The following JADE3 variants were observed in gnomAD, a reference collection of about 807,000 sequenced individuals.
JADE3 encodes the protein jade family PHD finger 3, also known as protein Jade-3.
Under a neutral mutation model 50.1 loss-of-function variants are expected in JADE3, and 2 were observed. The observed-to-expected ratio is 0.04, with a 90% CI of 0.02 to 0.13. The LOEUF (loss-of-function observed/expected upper bound fraction) is 0.13. Ranked by LOEUF, JADE3 falls within the 10% of genes least tolerant of loss-of-function variation. The pLI is 1.00. For synonymous variants in JADE3, 218 were observed against 232.9 expected (o/e 0.94, Z 0.58); for missense variants, 475 against 634.4 (o/e 0.75, Z 2.70).
At chrX:46,953,203 C>T (rs1194276544) in intron 1 of JADE3, among the ~76,000 whole-genome samples, 1 of 85,545 alleles carries the variant, frequency 1.2e-5, no homozygotes, top group African/African-American at 4.2e-5. Flanking sequence ...GGGGATTCCC[C>T]CCCCACCGCC....
intron 8 of JADE3, among the ~76,000 whole-genome samples, chrX:47,041,215 G>A (rs782478945): frequency 6.3e-5 from 7 of 110,819 alleles, no homozygotes; most frequent in African/African-American, 2.3e-4. Flanking sequence ...ACTTAATTAT[G>A]GTTTATCAAA....
chrX:47,049,755 CTTTTTTTTTT>C (rs536912145), intron 8 of JADE3, among the ~76,000 whole-genome samples: 1 of 55,889 alleles, frequency 1.8e-5, no homozygotes, highest in East Asian at 5.7e-4. Context: ...TCTTCTTCTT[CTTTTTTTTTT>C]TTTTTTTTTT....
chrX:46,983,802 T>A (rs943590258), intron 1 of JADE3, among the ~76,000 whole-genome samples: 2 of 112,133 alleles, frequency 1.8e-5, no homozygotes, highest in Admixed American at 9.5e-5. Flanking sequence ...GGTTTTTTTT[T>A]AATTGAAATA....
chrX:47,049,335 C>T (rs868927684), intron 8 of JADE3, among the ~76,000 whole-genome samples: 3 of 108,149 alleles, frequency 2.8e-5, no homozygotes, highest in Non-Finnish European at 5.8e-5. Flanking sequence ...TACAGGTGCC[C>T]GCCTGTAATT....
intron 1 of JADE3, among the ~76,000 whole-genome samples, chrX:46,964,577 T>G (rs1252590664): frequency 9.0e-6 from 1 of 111,700 alleles, no homozygotes; most frequent in Non-Finnish European, 1.9e-5. Context: ...TCCCATACAT[T>G]GTGGAGTAGA....
At chrX:47,013,577 G>T (rs782166569) in intron 4 of JADE3, among the ~76,000 whole-genome samples, 2 of 111,875 alleles carry the variant, frequency 1.8e-5, no homozygotes, top group Admixed American at 1.9e-4. Flanking sequence ...AGAACTGAGC[G>T]TCCTGGGAAT....
At position 47,058,771 on chromosome X, in the gene JADE3, G is replaced by A. The variant is rs2146993378; in HGVS notation, c.2166G>A (p.Arg722=). 8.3e-7 allele frequency: 1 copy of A among 1,209,848 alleles called. No homozygotes were observed. The change falls in exon 11 of 11, where the codon AGG becomes AGA. Residue 722 remains arginine, a synonymous_variant. Transcript: ENST00000614628. ...FSRSFKETTN[R]WVKNTEDLQC... ...GGTCCTTTAAAGAGACCACCAATAGGTGGGTGAAGAACACAGAGGACCTCC... is the reference window on the plus strand; with the variant it reads ...GGTCCTTTAAAGAGACCACCAATAGATGGGTGAAGAACACAGAGGACCTCC...
intron 1 of JADE3, among the ~76,000 whole-genome samples, chrX:46,954,224 A>G (rs2147117448): frequency 9.0e-6 from 1 of 111,455 alleles, no homozygotes; most frequent in South Asian, 3.8e-4. Flanking sequence ...AGAGACCAGG[A>G]CACATGAAAC....
intron 1 of JADE3, among the ~76,000 whole-genome samples, chrX:46,953,822 C>T (rs1228371250): frequency 9.0e-6 from 1 of 111,617 alleles, no homozygotes; most frequent in African/African-American, 3.3e-5. Context: ...CGTTGTTTTC[C>T]TTGGCCCTGC....
At chrX:47,034,480 T>C (rs1251810482) in intron 7 of JADE3, among the ~76,000 whole-genome samples, 1 of 112,255 alleles carries the variant, frequency 8.9e-6, no homozygotes, top group Non-Finnish European at 1.9e-5. Context: ...GGATATACTC[T>C]GATTTATTCA....
At chrX:46,917,834 C>CACTCTCT (rs1556336773) in intron 1 of JADE3, among the ~76,000 whole-genome samples, 4 of 42,542 alleles carry the variant, frequency 9.4e-5, no homozygotes, top group African/African-American at 9.8e-5. Flanking sequence ...TCTCTCTCAT[C>CACTCTCT]CTCTCTCTCT....
At chrX:46,998,719 G>T (rs1928198871) in intron 4 of JADE3, among the ~76,000 whole-genome samples, 1 of 110,748 alleles carries the variant, frequency 9.0e-6, no homozygotes, top group Non-Finnish European at 1.9e-5. Flanking sequence ...TTGAGATGGA[G>T]TCTTACTCTG....
In JADE3 at chrX:47,060,077, G is replaced by A. The variant is rs1929732189; in HGVS notation, c.*1000G>A. ...ATTGTCAAACAGAATTTGAAAGCAT[G>A]TGTTTAACACATGGATATAATTTAG... On this transcript the variant is annotated 3_prime_UTR_variant, in exon 11 of 11. Coordinates refer to ENST00000614628, the MANE Select transcript of JADE3 (RefSeq NM_014735.5). 1 of 111,854 alleles carries A rather than the reference G, an allele frequency of 8.9e-6. No individual in the cohort carries two copies. The highest frequency in any genetic ancestry group is 1.9e-5 in the Non-Finnish European group (1 of 53,146). 9.2% of individuals were successfully genotyped at this position (111,854 alleles called of 1,213,427 possible). A position where few individuals can be genotyped will look rare whatever the true frequency, so the allele number is the denominator to read the frequency against.
rs782058200 is a variant in JADE3, at chrX:47,038,953, G to T, written c.860G>T (p.Ser287Ile). Residue 287 changes from serine to isoleucine, a missense_variant, in exon 8 of 11, where the codon AGC becomes ATC. Ser to Ile is a moderately radical substitution (Grantham distance 142). Around this residue, in one of 6 missense-constraint regions of JADE3, gnomAD observed 54 missense variants for 156.2 expected, o/e 0.35. Transcript: ENST00000614628. ...VSCALWIPEV[S>I]IACPERMEPI... ...ATGGTGGTATTTTATTTGTAGGTCA[G>T]CATTGCTTGTCCTGAGAGGATGGAA... 1 of 1,149,954 alleles carries T rather than the reference G, an allele frequency of 8.7e-7. No individual in the cohort carries two copies. Among genetic ancestry groups the T allele is most frequent in the Non-Finnish European group, 1.2e-6 (1 of 842,658 alleles). The allele number at this position is 1,149,954 out of a possible 1,213,427, so 94.8% of individuals were successfully genotyped here.
intron 1 of JADE3, among the ~76,000 whole-genome samples, chrX:46,922,178 T>C (rs1926237070): frequency 9.0e-6 from 1 of 110,540 alleles, no homozygotes; most frequent in Non-Finnish European, 1.9e-5. Flanking sequence ...GGTGTTTGGC[T>C]GTCTGTTCCC....
At chrX:46,945,512 A>G (rs1926868237) in intron 1 of JADE3, among the ~76,000 whole-genome samples, 1 of 111,179 alleles carries the variant, frequency 9.0e-6, no homozygotes, top group Non-Finnish European at 1.9e-5. Context: ...TGCTGCTACC[A>G]CTGACTTGCT....
At chrX:47,005,812 C>T (rs1928401618) in intron 4 of JADE3, among the ~76,000 whole-genome samples, 1 of 111,480 alleles carries the variant, frequency 9.0e-6, no homozygotes, top group Non-Finnish European at 1.9e-5. Context: ...TAGTGGGGGG[C>T]TGAAACTCTC....
At chrX:46,917,727 G>A (rs1476710610) in intron 1 of JADE3, among the ~76,000 whole-genome samples, 1 of 109,329 alleles carries the variant, frequency 9.1e-6, no homozygotes, top group Non-Finnish European at 1.9e-5. Context: ...TCATTAAAGA[G>A]CTTGTGTTTT....
chrX:46,990,797 A>G (rs1164749310), intron 3 of JADE3, among the ~76,000 whole-genome samples: 1 of 110,347 alleles, frequency 9.1e-6, no homozygotes, highest in Non-Finnish European at 1.9e-5. Flanking sequence ...CATAATTTAG[A>G]ACATTTTCAT....
Sources: allele counts gnomAD v4.1 joint callset (sites outside exome capture counted in the v4.1 genomes callset), GRCh38; gene constraint gnomAD v4.1.1; regional missense constraint gnomAD v4.1.1; transcripts MANE v1.5; gene names NCBI Gene and HGNC (gene_info 2026-07-23, HGNC 2026-07-21).